ROBO1: variants seen among roughly 807,000 people sequenced by gnomAD.
ROBO1 encodes the protein roundabout guidance receptor 1.
In ROBO1, 149 loss-of-function variants were observed where a neutral mutation model predicts 195.9. The ratio of observed to expected loss-of-function variants is 0.76; its 90% CI spans 0.67 to 0.87. The LOEUF (loss-of-function observed/expected upper bound fraction) is 0.87, where lower values mean the gene tolerates loss of function less well. Among genes scored for constraint, ROBO1 ranks in the 40% least tolerant of loss-of-function variants. The pLI is 0.00. For missense variants in ROBO1, 1,933 were observed against 2,068.3 expected (o/e 0.93, Z 1.27); for synonymous variants, 816 against 733.2 (o/e 1.11, Z -1.82).
At chr3:78,766,783 G>A (rs2083239445) in intron 4 of ROBO1, among the ~76,000 whole-genome samples, 1 of 152,164 alleles carries the variant, frequency 6.6e-6, no homozygotes, top group Non-Finnish European at 1.5e-5. Flanking sequence ...TTACATTAAG[G>A]TATGTCCCTT....
chr3:79,387,481 T>A (rs1235148408), intron 2 of ROBO1, among the ~76,000 whole-genome samples: 3 of 150,722 alleles, frequency 2.0e-5, no homozygotes, highest in African/African-American at 7.3e-5. Context: ...ACAAATATAG[T>A]ACATATTGCA....
intron 2 of ROBO1, among the ~76,000 whole-genome samples, chr3:79,321,560 G>T (rs2033981970): frequency 2.6e-5 from 4 of 152,124 alleles, no homozygotes; most frequent in African/African-American, 9.7e-5. Flanking sequence ...GTTGCAGACT[G>T]CAATTCAGCA....
chr3:78,606,686 C>A (rs2107287560), intron 29 of ROBO1, 47 bp downstream of exon 29: 1 of 1,579,240 alleles, frequency 6.3e-7, no homozygotes. Context: ...GTATGCCTTG[C>A]AAACACACTC....
chr3:79,233,706 T>C (rs1457889446), intron 2 of ROBO1, among the ~76,000 whole-genome samples: 1 of 152,114 alleles, frequency 6.6e-6, no homozygotes, highest in Non-Finnish European at 1.5e-5. Flanking sequence ...TCCATTGTTC[T>C]ATGTGCTATT....
At chr3:79,716,533 G>C (rs1702493377) in intron 1 of ROBO1, among the ~76,000 whole-genome samples, 1 of 151,824 alleles carries the variant, frequency 6.6e-6, no homozygotes, top group Admixed American at 6.6e-5. Flanking sequence ...ACAATACTAT[G>C]ATAATTTTTC....
chr3:78,963,090 G>GATATATATAT lies in ROBO1; in HGVS notation c.173-24173_173-24164dup, dbSNP rs71127370. Among the ~76,000 whole-genome samples, 1,232 of 145,702 alleles carry GATATATATAT rather than the reference G, an allele frequency of 8.5e-3. 7 individuals are homozygous for GATATATATAT. The highest frequency in any genetic ancestry group is 0.013 in the Non-Finnish European group (839 of 66,144). ...ATTGGATACATGTGATCTCATACTT[G>GATATATATAT]ATATATATATATATATATATTACCT... On this transcript the variant is annotated intron_variant, in intron 3 of 30. Transcript: ENST00000464233.
intron 2 of ROBO1, among the ~76,000 whole-genome samples, chr3:79,475,533 G>T (rs1350561264): frequency 6.6e-6 from 1 of 151,902 alleles, no homozygotes; most frequent in Non-Finnish European, 1.5e-5. Context: ...AATCATAGAA[G>T]AAATTATAAC....
At chr3:79,646,612 G>A (rs1252874349) in intron 1 of ROBO1, among the ~76,000 whole-genome samples, 1 of 152,120 alleles carries the variant, frequency 6.6e-6, no homozygotes, top group Non-Finnish European at 1.5e-5. Flanking sequence ...GCACTCCCAT[G>A]CTTATGGCAG....
chr3:78,936,476 AT>A (rs1306843490), intron 4 of ROBO1, among the ~76,000 whole-genome samples: 1 of 152,060 alleles, frequency 6.6e-6, no homozygotes, highest in Non-Finnish European at 1.5e-5. Flanking sequence ...GGTCCTCTAT[AT>A]TCATGGGCTT....
intron 1 of ROBO1, among the ~76,000 whole-genome samples, chr3:79,700,019 T>A (rs1047652867): frequency 6.6e-6 from 1 of 151,640 alleles, no homozygotes; most frequent in African/African-American, 2.4e-5. Flanking sequence ...CCAACATCTG[T>A]TGTTGCCATC....
chr3:78,938,513 A>G, intron 4 of ROBO1, 88 bp downstream of exon 4: 5 of 1,147,628 alleles, frequency 4.4e-6, no homozygotes, highest in East Asian at 2.5e-5. Flanking sequence ...GGCCTGAGAT[A>G]CAAATTCGAC....
intron 4 of ROBO1, among the ~76,000 whole-genome samples, chr3:78,848,508 T>C (rs900147837): frequency 6.6e-6 from 1 of 152,084 alleles, no homozygotes. Context: ...GTTGCTGTTA[T>C]ATAGGAGGTC....
chr3:79,646,072 A>G lies in ROBO1; in HGVS notation c.-50-56111T>C, dbSNP rs143829748. Among the ~76,000 whole-genome samples, 762 of 152,252 alleles carry G rather than the reference A, an allele frequency of 5.0e-3. 4 individuals carry two copies. The highest frequency in any genetic ancestry group is 0.025 in the East Asian group (128 of 5,172). On this transcript the variant is annotated intron_variant, in intron 1 of 30. Transcript: ENST00000464233. ...AAGCACAGGCAACTAAAGCAAAGAT[A>G]CACGAATGGCATTATGTCAAGCTAA... is the stretch of plus-strand genomic sequence containing the variant.
At chr3:79,710,285 AAAAG>A (rs1355795259) in intron 1 of ROBO1, among the ~76,000 whole-genome samples, 1 of 152,146 alleles carries the variant, frequency 6.6e-6, no homozygotes, top group African/African-American at 2.4e-5. Flanking sequence ...TATGATTAAA[AAAAG>A]AAACCCACAC....
chr3:79,656,607 G>T (rs1010700835), intron 1 of ROBO1, among the ~76,000 whole-genome samples: 3 of 151,844 alleles, frequency 2.0e-5, no homozygotes, highest in Admixed American at 6.6e-5. Context: ...GAATAAATAT[G>T]GCCTGGCTGG....
chr3:79,086,780 T>C (rs2079379223), intron 3 of ROBO1, among the ~76,000 whole-genome samples: 1 of 152,150 alleles, frequency 6.6e-6, no homozygotes, highest in African/African-American at 2.4e-5. Context: ...TTTTATTTTT[T>C]TTACTAATAT....
intron 3 of ROBO1, among the ~76,000 whole-genome samples, chr3:79,016,612 C>A (rs1055645497): frequency 6.6e-6 from 1 of 152,180 alleles, no homozygotes; most frequent in East Asian, 1.9e-4. Context: ...CAAGTTGACA[C>A]GACCAACTTT....
At chr3:79,410,918 A>G (rs2037739882) in intron 2 of ROBO1, among the ~76,000 whole-genome samples, 1 of 152,254 alleles carries the variant, frequency 6.6e-6, no homozygotes, top group Non-Finnish European at 1.5e-5. Context: ...AACAAAAGTC[A>G]TAAGATTAGC....
At chr3:79,680,477 GA>G (rs1490893856) in intron 1 of ROBO1, among the ~76,000 whole-genome samples, 1 of 151,964 alleles carries the variant, frequency 6.6e-6, no homozygotes, top group Non-Finnish European at 1.5e-5. Context: ...GATGGGAAAG[GA>G]AAATACATAA....
Sources: allele counts gnomAD v4.1 joint callset (sites outside exome capture counted in the v4.1 genomes callset), GRCh38; gene constraint gnomAD v4.1.1; transcripts MANE v1.5; gene names NCBI Gene and HGNC (gene_info 2026-07-23, HGNC 2026-07-21).